PCNX1: variants seen among roughly 807,000 people sequenced by gnomAD.
PCNX1 encodes pecanex 1.
In PCNX1, 78 loss-of-function variants were observed where a neutral mutation model predicts 242.2. The observed-to-expected ratio is 0.32, with a 90% CI of 0.27 to 0.39. The LOEUF is 0.39. Among genes scored for constraint, PCNX1 ranks in the 10% least tolerant of loss-of-function variants. The pLI is 1.00. For synonymous variants in PCNX1, 1,024 were observed against 1,032.9 expected, an observed-to-expected ratio of 0.99 and a Z score of 0.17; for missense variants, 2,581 against 2,856.5, an observed-to-expected ratio of 0.90 and a Z score of 2.20.
intron 8 of PCNX1, among the ~76,000 whole-genome samples, chr14:71,002,754 T>C (rs756606058): frequency 6.6e-6 from 1 of 152,224 alleles, no homozygotes; most frequent in Non-Finnish European, 1.5e-5. Flanking sequence ...TGCTTATCTG[T>C]TCACCTGGCG....
In PCNX1 at chr14:71,051,944, C is replaced by G. The variant is rs1234754154; in HGVS notation, c.4509C>G (p.Pro1503=). The G allele has an allele frequency of 6.2e-7, 1 of 1,613,446 alleles. No individual in the cohort carries two copies. The highest frequency in any genetic ancestry group is 2.2e-5 in the East Asian group (1 of 44,866). The change falls in exon 24 of 36, where the codon CCC becomes CCG. Residue 1503 remains proline (P), a synonymous_variant. Transcript: ENST00000304743. ...CCTTCTTCTCTACTCCACTGAACCC[C>G]TTTCTGGGAAGTGCAATATTCATCA... The part of the protein sequence containing the change: ...VSAFFSTPLN[P]FLGSAIFITS...
At chr14:71,063,331 CTGAAGT>C (rs1272097207) in intron 26 of PCNX1, among the ~76,000 whole-genome samples, 1 of 152,142 alleles carries the variant, frequency 6.6e-6, no homozygotes, top group Non-Finnish European at 1.5e-5. Flanking sequence ...TGGCCCTGGG[CTGAAGT>C]TGATCAATCT....
chr14:70,973,837 G>C (rs34740221), intron 5 of PCNX1, among the ~76,000 whole-genome samples: 13,731 of 151,730 alleles, frequency 0.09, 735 homozygotes, highest in Admixed American at 0.18. Context: ...ACTTTTTTTT[G>C]CATATCATTT....
At chr14:70,997,619 CT>C (rs2059390296) in intron 8 of PCNX1, among the ~76,000 whole-genome samples, 1 of 152,040 alleles carries the variant, frequency 6.6e-6, no homozygotes, top group Non-Finnish European at 1.5e-5. Flanking sequence ...TGGATTTTAT[CT>C]TTTCTGTTAA....
intron 10 of PCNX1, chr14:71,012,714 TC>T (rs2059855102): frequency 2.7e-6 from 1 of 365,334 alleles, no homozygotes; most frequent in Non-Finnish European, 5.1e-6. Flanking sequence ...GTGCCTGTAA[TC>T]CCAGCTGCTT....
intron 16 of PCNX1, chr14:71,031,771 G>A: frequency 7.2e-7 from 1 of 1,387,756 alleles, no homozygotes; most frequent in Admixed American, 1.7e-5. Context: ...AAACTTCTCA[G>A]CCTCTTCCTA....
chr14:70,968,614 T>A (rs940261146), intron 4 of PCNX1, among the ~76,000 whole-genome samples: 1 of 152,232 alleles, frequency 6.6e-6, no homozygotes, highest in Non-Finnish European at 1.5e-5. Context: ...AAGAGCAAGT[T>A]ATTTTCTGCT....
Position 71,066,203 on chromosome 14 carries a change from C to A in PCNX1, c.4853-7342C>A, listed in dbSNP as rs1042006091. ...CATTGAATCTATAAATTACTTTGGG[C>A]AGTATGGCCATTTTCACAATATTGA... On this transcript the variant is annotated intron_variant, in intron 26 of 35. Coordinates refer to ENST00000304743, the MANE Select transcript of PCNX1 (RefSeq NM_014982.3). Among the ~76,000 whole-genome samples the A allele has an allele frequency of 5.9e-5, 9 of 152,260 alleles. No individual in the cohort carries two copies. The South Asian group carries it at 6.2e-4, about 11-fold the overall frequency.
intron 8 of PCNX1, among the ~76,000 whole-genome samples, chr14:70,999,465 CAA>C (rs2059442675): frequency 6.6e-6 from 1 of 152,044 alleles, no homozygotes; most frequent in South Asian, 2.1e-4. Flanking sequence ...GAAATGAGGA[CAA>C]GAGTTCTATA....
At chr14:71,030,836 C>G (rs1449851378) in intron 16 of PCNX1, among the ~76,000 whole-genome samples, 1 of 152,120 alleles carries the variant, frequency 6.6e-6, no homozygotes, top group Non-Finnish European at 1.5e-5. Context: ...ATATCCCTTC[C>G]CTCATCATCA....
chr14:71,084,764 A>G (rs760289949), intron 28 of PCNX1, among the ~76,000 whole-genome samples: 1 of 152,224 alleles, frequency 6.6e-6, no homozygotes, highest in Non-Finnish European at 1.5e-5. Context: ...TCAAGCCAGT[A>G]GATCTTAGCT....
rs779680950 is a variant in PCNX1 at position 71,028,794 on chromosome 14, G to A, written c.3558+3G>A. On this transcript the variant is annotated splice_donor_region_variant and intron_variant, in intron 16 of 35. Transcript: ENST00000304743. ...GATTATGTTATGGGGCTTTAAAGGTGAGCAATAAATTATAGTATGTTTTGT... is the reference window on the plus strand; with the variant it reads ...GATTATGTTATGGGGCTTTAAAGGTAAGCAATAAATTATAGTATGTTTTGT... 9.7e-6 allele frequency: 15 copies of A among 1,543,950 alleles called. No individual in the cohort carries two copies. Among genetic ancestry groups the A allele is most frequent in the Non-Finnish European group, 1.2e-5 (14 of 1,126,510 alleles).
chr14:71,088,229 AC>A, intron 28 of PCNX1, 100 bp from the exon 29 acceptor site: 1 of 594,330 alleles, frequency 1.7e-6, no homozygotes, highest in Non-Finnish European at 3.0e-6. Flanking sequence ...GAAATTATGT[AC>A]TCTTTGAATT....
At chr14:70,953,853 A>T (rs2057888854) in intron 2 of PCNX1, among the ~76,000 whole-genome samples, 1 of 151,692 alleles carries the variant, frequency 6.6e-6, no homozygotes, top group African/African-American at 2.4e-5. Context: ...TTTTTAGTAG[A>T]GTTGGGGTCT....
intron 1 of PCNX1, among the ~76,000 whole-genome samples, chr14:70,937,075 C>G (rs2057036658): frequency 6.6e-6 from 1 of 152,114 alleles, no homozygotes; most frequent in Admixed American, 6.6e-5. Context: ...TTCTCCCGTT[C>G]TGTAGGTTGC....
At chr14:71,094,838 G>A (rs1162453779) in intron 30 of PCNX1, among the ~76,000 whole-genome samples, 4 of 152,144 alleles carry the variant, frequency 2.6e-5, no homozygotes, top group African/African-American at 9.7e-5. Context: ...AAGCTGAGAC[G>A]GGGGATCATT....
intron 26 of PCNX1, among the ~76,000 whole-genome samples, chr14:71,073,019 G>A (rs921155922): frequency 6.6e-6 from 1 of 152,328 alleles, no homozygotes; most frequent in South Asian, 2.1e-4. Context: ...TATCAGACCC[G>A]TAGTGTGAGT....
chr14:70,939,455 T>G (rs2057144806), intron 1 of PCNX1, among the ~76,000 whole-genome samples: 1 of 152,258 alleles, frequency 6.6e-6, no homozygotes, highest in Non-Finnish European at 1.5e-5. Flanking sequence ...AGTGAGTTTC[T>G]TAATCCTGAG....
At chr14:71,100,882 T>C (rs2062445269) in intron 30 of PCNX1, among the ~76,000 whole-genome samples, 1 of 152,176 alleles carries the variant, frequency 6.6e-6, no homozygotes, top group Non-Finnish European at 1.5e-5. Context: ...ACTAACTTCC[T>C]ACACTTAGGA....
Sources: allele counts gnomAD v4.1 joint callset (sites outside exome capture counted in the v4.1 genomes callset), GRCh38; gene constraint gnomAD v4.1.1; transcripts MANE v1.5; gene names NCBI Gene and HGNC (gene_info 2026-07-23, HGNC 2026-07-21).